The following ZFC3H1 variants were observed in gnomAD, a reference collection of about 807,000 sequenced individuals.
The protein encoded by ZFC3H1 is zinc finger C3H1 domain-containing protein.
ZFC3H1 carries 71 observed loss-of-function variants against 243.7 expected under a neutral mutation model. The ratio of observed to expected loss-of-function variants is 0.29; its 90% CI spans 0.24 to 0.36. ZFC3H1 has a LOEUF of 0.36. Ranked by LOEUF, ZFC3H1 falls within the 10% of genes least tolerant of loss-of-function variation. The probability of loss-of-function intolerance (pLI) is 1.00; values close to 1 mark genes in which losing one functional copy is unlikely to be tolerated. For missense variants in ZFC3H1, 1,966 were observed against 2,317.1 expected, an observed-to-expected ratio of 0.85 and a Z score of 3.11; for synonymous variants, 838 against 813.0, an observed-to-expected ratio of 1.03 and a Z score of -0.52.
At chr12:71,623,320 T>C in intron 24 of ZFC3H1, 40 bp downstream of exon 24, 1 of 1,487,230 alleles carries the variant, frequency 6.7e-7, no homozygotes, top group East Asian at 2.3e-5. Context: ...ACACTGATGT[T>C]ATAACAGTTG....
chr12:71,622,027 T>A (rs1158752346), intron 24 of ZFC3H1, among the ~76,000 whole-genome samples: 1 of 152,200 alleles, frequency 6.6e-6, no homozygotes, highest in Admixed American at 6.5e-5. Context: ...TCAAGTATCA[T>A]TCTACTTATC....
chr12:71,634,603 T>A lies in ZFC3H1; in HGVS notation c.2360+101A>T, dbSNP rs534100871. On this transcript the variant is annotated intron_variant, in intron 11 of 34. Coordinates refer to ENST00000378743, the MANE Select transcript of ZFC3H1 (RefSeq NM_144982.5). Reference sequence around the variant, plus strand: ...TAAAACATTAACTCTGTATCTTGGATAAAACTATCATCACTCATTCCCCAG... The same window carrying A: ...TAAAACATTAACTCTGTATCTTGGAAAAAACTATCATCACTCATTCCCCAG... 2.3e-6 allele frequency: 3 copies of A among 1,331,604 alleles called. No homozygotes were observed. The African/African-American group carries it at 4.4e-5, about 20-fold the overall frequency. The allele number at this position is 1,331,604 out of a possible 1,614,324, so 82.5% of individuals were successfully genotyped here.
intron 33 of ZFC3H1, 101 bp downstream of exon 33, chr12:71,610,957 A>G: frequency 6.5e-7 from 1 of 1,536,878 alleles, no homozygotes; most frequent in Non-Finnish European, 8.8e-7. Flanking sequence ...TGTGCATGAA[A>G]TGTTAACTTC....
At chr12:71,653,711 T>C (rs547848505) in intron 2 of ZFC3H1, among the ~76,000 whole-genome samples, 14 of 152,306 alleles carry the variant, frequency 9.2e-5, no homozygotes, top group African/African-American at 3.1e-4. Context: ...CCAGAAAATA[T>C]TGTCAGTAAG....
Position 71,614,893 on chromosome 12 carries a change from T to A in ZFC3H1, c.5301A>T (p.Ala1767=), listed in dbSNP as rs769872027. The change falls in exon 29 of 35, where the codon GCA becomes GCT. Residue 1767 remains alanine, a synonymous_variant. Coordinates refer to ENST00000378743, the MANE Select transcript of ZFC3H1 (RefSeq NM_144982.5). ...LQSSIKETVE[A]YEAALGVAMR... ...TAGCCACCCCTAATGCTGCCTCATA[T>A]GCCTCCACTGTTTCTTTAATACTTG... 1 of 1,613,984 alleles carries A rather than the reference T, an allele frequency of 6.2e-7. No individual in the cohort carries two copies. Among genetic ancestry groups the A allele is most frequent in the Admixed American group, 1.7e-5 (1 of 60,026 alleles).
chr12:71,626,209 TACACACACACACACAC>T lies in ZFC3H1; in HGVS notation c.4317+35_4317+50del, dbSNP rs55719302. 6.1e-5 allele frequency: 66 copies of T among 1,089,556 alleles called. No individual in the cohort carries two copies. The Middle Eastern group carries it at 8.9e-4, about 15-fold the overall frequency. 67.5% of individuals were successfully genotyped at this position (1,089,556 alleles called of 1,614,324 possible). On this transcript the variant is annotated intron_variant, in intron 22 of 34. Transcript: ENST00000378743. ...ATTTTTAAGATGATCCAAATAATTATACACACACACACACACACACACACACACGTACGTTATCTTT... is the reference window on the plus strand; with the variant it reads ...ATTTTTAAGATGATCCAAATAATTATACACACACACACGTACGTTATCTTT...
chr12:71,644,218 A>G lies in ZFC3H1; in HGVS notation c.1380T>C (p.Ala460=). The G allele has an allele frequency of 6.2e-7, 1 of 1,611,786 alleles. No individual in the cohort carries two copies. The highest frequency in any genetic ancestry group is 1.1e-5 in the South Asian group (1 of 90,928). The part of the protein sequence containing the change: ...RQKEEDQRKQ[A]EEEERRKREE... ...CTCTTTTCCTTCTCTCTTCTTCTTC[A>G]GCTTGTTTCCGCTGATCCTCTTCTT... The change falls in exon 5 of 35, where the codon GCT becomes GCC. Residue 460 remains alanine, a synonymous_variant. Coordinates refer to ENST00000378743, the MANE Select transcript of ZFC3H1 (RefSeq NM_144982.5).
intron 2 of ZFC3H1, 153 bp downstream of exon 2, chr12:71,656,732 A>T: frequency 1.3e-6 from 1 of 781,160 alleles, no homozygotes; most frequent in Non-Finnish European, 2.0e-6. Context: ...AAACAAAATT[A>T]GTAATTATTC....
In ZFC3H1 at chr12:71,634,217, A is replaced by C. The variant is rs761889311; in HGVS notation, c.2448T>G (p.Ile816Met). The change falls in exon 12 of 35, where the codon ATT becomes ATG. Residue 816 changes from isoleucine to methionine, a missense_variant. Ile to Met is a conservative substitution (Grantham distance 10). Around this residue, in one of 4 missense-constraint regions of ZFC3H1, gnomAD observed 1,383 missense variants for 1,723.7 expected, o/e 0.80. Coordinates refer to ENST00000378743, the MANE Select transcript of ZFC3H1 (RefSeq NM_144982.5). ...GCTTAGTAACCATTGCTATCCTGCCAATACCATCAATTTCCACATCAGAGT... is the reference window on the plus strand; with the variant it reads ...GCTTAGTAACCATTGCTATCCTGCCCATACCATCAATTTCCACATCAGAGT... Reference protein sequence around the residue: ...PANSDVEIDGIGRIAMVTKQV... With the variant: ...PANSDVEIDGMGRIAMVTKQV... 1 of 1,614,106 alleles carries C rather than the reference A, an allele frequency of 6.2e-7. No individual in the cohort carries two copies. Among genetic ancestry groups the C allele is most frequent in the Non-Finnish European group, 8.5e-7 (1 of 1,180,000 alleles).
chr12:71,612,260 G>A (rs998198763), intron 31 of ZFC3H1, among the ~76,000 whole-genome samples: 6 of 151,874 alleles, frequency 4.0e-5, no homozygotes, highest in Non-Finnish European at 7.4e-5. Flanking sequence ...AGTCTTGAAT[G>A]TTTCTTGAAC....
At position 71,663,600 on chromosome 12, in the gene ZFC3H1, G is replaced by A. The variant is rs1404789183; in HGVS notation, c.11C>T (p.Ala4Val). Reference sequence around the variant, plus strand: ...ACTGGAGGCCGGGGCCGGAGTATCTGCGGTCGCCATCCGGGGAGCAGCGCC... The same window carrying A: ...ACTGGAGGCCGGGGCCGGAGTATCTACGGTCGCCATCCGGGGAGCAGCGCC... MATADTPAPASSGL... is the reference protein window; with the variant it reads MATVDTPAPASSGL... Residue 4 changes from alanine to valine, a missense_variant, in exon 1 of 35, where the codon GCA (alanine) becomes GTA (valine). Transcript: ENST00000378743. 2 of 1,609,288 alleles carry A rather than the reference G, an allele frequency of 1.2e-6. No individual in the cohort carries two copies. The highest frequency in any genetic ancestry group is 1.7e-5 in the Admixed American group (1 of 59,984).
chr12:71,644,891 T>A lies in ZFC3H1; in HGVS notation c.1265A>T (p.Lys422Ile), dbSNP rs1880689427. Reference sequence around the variant, plus strand: ...AAAATGATCACCTGTAGTGCTAACTTTTTTGGCCGAATGTGTTTTTGTACT... The same window carrying A: ...AAAATGATCACCTGTAGTGCTAACTATTTTGGCCGAATGTGTTTTTGTACT... ...KTSTKTHSAK[K>I]VSTTAKQALR... is the part of the protein sequence containing the mutation. Residue 422 changes from lysine to isoleucine, a missense_variant, in exon 4 of 35, where the codon AAA (lysine) becomes ATA (isoleucine). Lys to Ile is a moderately radical substitution (Grantham distance 102, BLOSUM62 -3). Coordinates refer to ENST00000378743, the MANE Select transcript of ZFC3H1 (RefSeq NM_144982.5). 6.2e-7 allele frequency: 1 copy of A among 1,611,318 alleles called. No homozygotes were observed. Among genetic ancestry groups the A allele is most frequent in the Admixed American group, 1.7e-5 (1 of 59,770 alleles).
At chr12:71,621,304 TTTTC>T (rs1457833395) in intron 24 of ZFC3H1, among the ~76,000 whole-genome samples, 8 of 109,876 alleles carry the variant, frequency 7.3e-5, no homozygotes, top group Non-Finnish European at 1.4e-4. Context: ...GTCCACTTCC[TTTTC>T]TTTTTTTTTT....
chr12:71,617,219 C>T (rs1879913506), intron 27 of ZFC3H1, among the ~76,000 whole-genome samples: 1 of 152,166 alleles, frequency 6.6e-6, no homozygotes, highest in African/African-American at 2.4e-5. Context: ...ATTTAAAAAA[C>T]TTATATCAAT....
rs1329810917 is a variant in ZFC3H1, at chr12:71,654,364, C to T, written c.1015+2521G>A. On this transcript the variant is annotated intron_variant, in intron 2 of 34. Coordinates refer to ENST00000378743, the MANE Select transcript of ZFC3H1 (RefSeq NM_144982.5). ...GCTGAGGTGGGAGGATCACCTGAGCCCAGGAGGTCAAGGCTGCACTGAGTC... is the reference window on the plus strand; with the variant it reads ...GCTGAGGTGGGAGGATCACCTGAGCTCAGGAGGTCAAGGCTGCACTGAGTC... Among the ~76,000 whole-genome samples the T allele has an allele frequency of 2.6e-5, 4 of 152,064 alleles. No individual in the cohort carries two copies. In the South Asian group the frequency reaches 8.3e-4, roughly 32 times the overall value.
chr12:71,635,516 T>C lies in ZFC3H1; in HGVS notation c.2165A>G (p.Glu722Gly), dbSNP rs1880437285. ...AACACTATTTGTTGACTTGGAAGCC[T>C]CTCCATCAGATTCACTATCATCTGA... ...NDSDDSESDG[E>G]ASKSTNSVFG... Residue 722 changes from glutamate to glycine, a missense_variant, in exon 10 of 35, where the codon GAG becomes GGG. This residue lies in a region of ZFC3H1 where 1,383 missense variants were observed against 1,723.7 expected (regional missense o/e 0.80). Transcript: ENST00000378743. The C allele has an allele frequency of 5.7e-6, 9 of 1,567,344 alleles. No individual in the cohort carries two copies. Among genetic ancestry groups the C allele is most frequent in the Non-Finnish European group, 7.7e-6 (9 of 1,164,426 alleles).
Position 71,653,416 on chromosome 12 carries a change from A to G in ZFC3H1, c.1015+3469T>C, listed in dbSNP as rs561381128. 3.9e-5 allele frequency among the ~76,000 whole-genome samples: 6 copies of G among 152,346 alleles called. No individual in the cohort carries two copies. The South Asian group carries it at 1.0e-3, about 26-fold the overall frequency. The stretch of plus-strand genomic sequence containing the variant: ...GAAAGATAAAGTATGATGACTTAAC[A>G]TAACATACATCTATACAGAGTTCCA... On this transcript the variant is annotated intron_variant, in intron 2 of 34. Transcript: ENST00000378743.
rs756550191 is a variant in ZFC3H1 at position 71,644,864 on chromosome 12, T to C, written c.1279+13A>G. The C allele has an allele frequency of 6.3e-7, 1 of 1,589,470 alleles. No individual in the cohort carries two copies. The highest frequency in any genetic ancestry group is 1.2e-5 in the South Asian group (1 of 86,624). The stretch of plus-strand genomic sequence containing the variant: ...ACAAAACAAAAACACAAGAATTTAA[T>C]AAAAATGATCACCTGTAGTGCTAAC... On this transcript the variant is annotated intron_variant, in intron 4 of 34. Transcript: ENST00000378743.
In ZFC3H1 at chr12:71,649,748, A is replaced by G. The variant is rs145565239; in HGVS notation, c.1016-1935T>C. ...AATTATTCTCCTACATGAGAAACTT[A>G]TGAGTTTCATTAAGTCATGAGAAAT... On this transcript the variant is annotated intron_variant, in intron 2 of 34. Coordinates refer to ENST00000378743, the MANE Select transcript of ZFC3H1 (RefSeq NM_144982.5). Among the ~76,000 whole-genome samples the G allele has an allele frequency of 1.0e-3, 157 of 152,376 alleles. 1 individual carries two copies. The highest frequency in any genetic ancestry group is 3.4e-3 in the African/African-American group (141 of 41,598).
Sources: allele counts gnomAD v4.1 joint callset (sites outside exome capture counted in the v4.1 genomes callset), GRCh38; gene constraint gnomAD v4.1.1; regional missense constraint gnomAD v4.1.1; transcripts MANE v1.5; gene names NCBI Gene and HGNC (gene_info 2026-07-23, HGNC 2026-07-21).